The following MAGI2 variants were observed in gnomAD, a reference collection of about 807,000 sequenced individuals.
The protein encoded by MAGI2 is membrane associated guanylate kinase, WW and PDZ domain containing 2, also known as membrane-associated guanylate kinase, WW and PDZ domain-containing protein 2.
Under a neutral mutation model 133.3 loss-of-function variants are expected in MAGI2, and 35 were observed. The ratio of observed to expected loss-of-function variants is 0.26; its 90% confidence interval spans 0.20 to 0.35. MAGI2 has a LOEUF of 0.35. Ranked by LOEUF, MAGI2 falls within the 10% of genes least tolerant of loss-of-function variation. The pLI is 1.00. For synonymous variants in MAGI2, 729 were observed against 710.6 expected, an observed-to-expected ratio of 1.03 and a Z score of -0.41; for missense variants, 1,636 against 1,863.4, an observed-to-expected ratio of 0.88 and a Z score of 2.25.
chr7:78,441,624 T>C (rs1787640465), intron 6 of MAGI2, among the ~76,000 whole-genome samples: 1 of 148,498 alleles, frequency 6.7e-6, no homozygotes, highest in Non-Finnish European at 1.5e-5. Flanking sequence ...AACCCAGTCA[T>C]GGAATTCAGT....
At chr7:79,442,410 CTATT>C (rs1848552038) in intron 1 of MAGI2, among the ~76,000 whole-genome samples, 1 of 151,412 alleles carries the variant, frequency 6.6e-6, no homozygotes, top group African/African-American at 2.4e-5. Flanking sequence ...CTTTCCGAGA[CTATT>C]TATTTAAAAG....
At chr7:78,518,143 C>G (rs1028647854) in intron 4 of MAGI2, 1 of 151,976 alleles carries the variant, frequency 6.6e-6, no homozygotes, top group South Asian at 2.1e-4. Context: ...ATTTTAAAAA[C>G]TAGGAATTTT....
intron 2 of MAGI2, among the ~76,000 whole-genome samples, chr7:78,701,221 C>T (rs1040186393): frequency 1.3e-5 from 2 of 151,778 alleles, no homozygotes; most frequent in Non-Finnish European, 2.9e-5. Flanking sequence ...CTGGGGCCTT[C>T]ATTAGTATGT....
At chr7:78,772,361 G>A (rs1825662859) in intron 2 of MAGI2, among the ~76,000 whole-genome samples, 1 of 152,170 alleles carries the variant, frequency 6.6e-6, no homozygotes, top group African/African-American at 2.4e-5. Context: ...AGACCAACAA[G>A]CATCAGAAGA....
chr7:78,513,725 C>G (rs1251005124), intron 4 of MAGI2, among the ~76,000 whole-genome samples: 1 of 152,112 alleles, frequency 6.6e-6, no homozygotes, highest in Non-Finnish European at 1.5e-5. Context: ...ACACAAATTA[C>G]GTAAACTTGC....
chr7:78,261,480 C>A (rs1793512299), intron 9 of MAGI2, among the ~76,000 whole-genome samples: 1 of 152,070 alleles, frequency 6.6e-6, no homozygotes, highest in Non-Finnish European at 1.5e-5. Flanking sequence ...CTACCCGTTC[C>A]AAGATTTCTC....
intron 2 of MAGI2, among the ~76,000 whole-genome samples, chr7:78,957,326 G>A (rs1802474074): frequency 6.8e-6 from 1 of 147,910 alleles, no homozygotes; most frequent in Non-Finnish European, 1.5e-5. Context: ...CCTCCTAAAT[G>A]CTCCTTATAA....
chr7:78,656,841 A>G (rs1420456343), intron 2 of MAGI2, among the ~76,000 whole-genome samples: 1 of 152,128 alleles, frequency 6.6e-6, no homozygotes, highest in Non-Finnish European at 1.5e-5. Context: ...AAAATTTATG[A>G]TATGCAAAAA....
chr7:78,210,996 G>A (rs1471159913), intron 10 of MAGI2, among the ~76,000 whole-genome samples: 1 of 152,128 alleles, frequency 6.6e-6, no homozygotes, highest in African/African-American at 2.4e-5. Context: ...GGGGAATAAA[G>A]CCCTCCATAA....
intron 2 of MAGI2, chr7:78,946,876 T>G (rs2151692810): frequency 6.6e-6 from 1 of 152,272 alleles, no homozygotes; most frequent in South Asian, 2.1e-4. Flanking sequence ...CTCTTATCTT[T>G]ATTGATTGAA....
chr7:79,024,983 C>G (rs766525195), intron 1 of MAGI2, among the ~76,000 whole-genome samples: 1 of 152,084 alleles, frequency 6.6e-6, no homozygotes, highest in Non-Finnish European at 1.5e-5. Context: ...TACTATTTGA[C>G]CCAGCAATCC....
intron 1 of MAGI2, among the ~76,000 whole-genome samples, chr7:79,050,729 C>G (rs1015636793): frequency 1.3e-5 from 2 of 152,182 alleles, no homozygotes; most frequent in African/African-American, 4.8e-5. Context: ...ATTTTTACCC[C>G]ACAAGACAAT....
intron 3 of MAGI2, among the ~76,000 whole-genome samples, chr7:78,602,124 C>G (rs1805268198): frequency 6.6e-6 from 1 of 152,124 alleles, no homozygotes; most frequent in African/African-American, 2.4e-5. Context: ...TCTCTCTTCT[C>G]CATACATTAT....
At chr7:78,732,467 G>A (rs58148748) in intron 2 of MAGI2, among the ~76,000 whole-genome samples, 7,956 of 152,074 alleles carry the variant, frequency 0.052, 383 homozygotes, top group East Asian at 0.23. Context: ...TAACTAACTC[G>A]TAACTGCTCT....
chr7:79,123,817 C>T (rs1820139220), intron 1 of MAGI2, among the ~76,000 whole-genome samples: 1 of 148,746 alleles, frequency 6.7e-6, no homozygotes, highest in Admixed American at 6.7e-5. Context: ...AGAGATAACG[C>T]ACATCAAGTG....
chr7:79,354,460 T>C (rs1841887448), intron 1 of MAGI2: 1 of 152,342 alleles, frequency 6.6e-6, no homozygotes, highest in Non-Finnish European at 1.5e-5. Flanking sequence ...CTGAGAATAC[T>C]AGGTGGGCAG....
At chr7:78,733,869 A>C (rs1821597241) in intron 2 of MAGI2, among the ~76,000 whole-genome samples, 1 of 152,222 alleles carries the variant, frequency 6.6e-6, no homozygotes, top group South Asian at 2.1e-4. Context: ...AGGAAATAAA[A>C]TATTTGTATT....
intron 1 of MAGI2, among the ~76,000 whole-genome samples, chr7:79,135,453 A>G (rs1286061922): frequency 6.6e-6 from 1 of 152,170 alleles, no homozygotes. Context: ...ACTCTTGTAT[A>G]ACACTCCAGT....
chr7:78,885,501 T>C (rs1235835272), intron 2 of MAGI2, among the ~76,000 whole-genome samples: 2 of 152,110 alleles, frequency 1.3e-5, no homozygotes, highest in African/African-American at 4.8e-5. Context: ...TCAAACCAGA[T>C]ATTGTACATG....
Sources: allele counts gnomAD v4.1 joint callset (sites outside exome capture counted in the v4.1 genomes callset), GRCh38; gene constraint gnomAD v4.1.1; transcripts MANE v1.5; gene names NCBI Gene and HGNC (gene_info 2026-07-23, HGNC 2026-07-21).